The following FAT3 variants were observed in gnomAD, a reference collection of about 807,000 sequenced individuals.
The protein encoded by FAT3 is FAT atypical cadherin 3, also known as protocadherin Fat 3.
A neutral mutation model predicts 310.2 loss-of-function variants in FAT3; 95 were observed. The observed-to-expected ratio is 0.31, with a 90% confidence interval of 0.26 to 0.36. The LOEUF is 0.36. Ranked by LOEUF, FAT3 falls within the 10% of genes least tolerant of loss-of-function variation. The pLI is 1.00. For missense variants in FAT3, 5,408 were observed against 5,715.6 expected (o/e 0.95, Z 1.74); for synonymous variants, 2,314 against 2,192.9 (o/e 1.06, Z -1.54).
chr11:92,722,924 C>A (rs1363760161), intron 4 of FAT3, among the ~76,000 whole-genome samples: 1 of 152,140 alleles, frequency 6.6e-6, no homozygotes, highest in Non-Finnish European at 1.5e-5. Flanking sequence ...CCTACGAAAA[C>A]ATCTTTTCCT....
intron 3 of FAT3, among the ~76,000 whole-genome samples, chr11:92,683,520 C>T (rs1023117239): frequency 2.0e-5 from 3 of 152,148 alleles, no homozygotes; most frequent in African/African-American, 7.2e-5. Flanking sequence ...CCTTTTCTTG[C>T]ACCCCCAGCT....
intron 3 of FAT3, among the ~76,000 whole-genome samples, chr11:92,649,547 C>T (rs1206356228): frequency 1.3e-5 from 2 of 152,120 alleles, no homozygotes; most frequent in African/African-American, 4.8e-5. Flanking sequence ...GGTCCCTGCT[C>T]TGGATGTCCA....
chr11:92,610,553 C>T (rs995089543), intron 3 of FAT3, among the ~76,000 whole-genome samples: 2 of 152,068 alleles, frequency 1.3e-5, no homozygotes, highest in East Asian at 1.9e-4. Context: ...TTTTCTCCTT[C>T]GAAGTTACAG....
At chr11:92,278,384 G>A (rs71473476) in intron 1 of FAT3, among the ~76,000 whole-genome samples, 4,594 of 151,964 alleles carry the variant, frequency 0.03, 97 homozygotes, top group Non-Finnish European at 0.043. Flanking sequence ...TTTATGCTTC[G>A]CCATGGTAGT....
At chr11:92,823,028 A>C (rs901006816) in intron 13 of FAT3, among the ~76,000 whole-genome samples, 3 of 151,876 alleles carry the variant, frequency 2.0e-5, no homozygotes, top group African/African-American at 7.3e-5. Flanking sequence ...TCCCTTGACC[A>C]CCCCTCTCCA....
intron 1 of FAT3, among the ~76,000 whole-genome samples, chr11:92,347,046 G>T (rs1385284417): frequency 6.6e-6 from 1 of 152,070 alleles, no homozygotes; most frequent in Admixed American, 6.6e-5. Context: ...AATCCTATTC[G>T]GTAGGCATTA....
chr11:92,391,036 T>G (rs539635380), intron 2 of FAT3, among the ~76,000 whole-genome samples: 111 of 152,314 alleles, frequency 7.3e-4, no homozygotes, highest in Admixed American at 1.4e-3. Flanking sequence ...AATTCTCTAC[T>G]GAGCATTTCT....
At chr11:92,387,681 T>A (rs545680789) in intron 2 of FAT3, among the ~76,000 whole-genome samples, 14 of 152,212 alleles carry the variant, frequency 9.2e-5, no homozygotes, top group African/African-American at 3.4e-4. Flanking sequence ...GGTGAGACCT[T>A]TTATCTAGAT....
intron 2 of FAT3, among the ~76,000 whole-genome samples, chr11:92,409,997 A>G (rs1483062180): frequency 6.6e-6 from 1 of 152,188 alleles, no homozygotes; most frequent in Non-Finnish European, 1.5e-5. Context: ...TAAGAAGTAT[A>G]CATTGTTCAA....
intron 3 of FAT3, among the ~76,000 whole-genome samples, chr11:92,526,260 T>C (rs1262362839): frequency 6.6e-6 from 1 of 152,148 alleles, no homozygotes; most frequent in Non-Finnish European, 1.5e-5. Flanking sequence ...GGCAAAGAGC[T>C]CCTTAGAACA....
At chr11:92,737,587 CAAT>C (rs1246700062) in intron 4 of FAT3, among the ~76,000 whole-genome samples, 1 of 151,680 alleles carries the variant, frequency 6.6e-6, no homozygotes, top group Non-Finnish European at 1.5e-5. Context: ...AAGAAACACA[CAAT>C]AAAGTCATGA....
At chr11:92,629,915 C>G (rs1263815976) in intron 3 of FAT3, among the ~76,000 whole-genome samples, 1 of 152,130 alleles carries the variant, frequency 6.6e-6, no homozygotes, top group African/African-American at 2.4e-5. Flanking sequence ...ATTTGTAGGT[C>G]TCCATTCAGA....
At chr11:92,340,557 C>T (rs753453301) in intron 1 of FAT3, among the ~76,000 whole-genome samples, 3 of 152,148 alleles carry the variant, frequency 2.0e-5, no homozygotes, top group Non-Finnish European at 4.4e-5. Flanking sequence ...ATACCAGGAT[C>T]CCAAAGAGGG....
chr11:92,660,520 A>AAACAGTC (rs1419672419), intron 3 of FAT3, among the ~76,000 whole-genome samples: 4 of 152,192 alleles, frequency 2.6e-5, no homozygotes, highest in African/African-American at 9.7e-5. Flanking sequence ...AGCAATAACC[A>AAACAGTC]AACAGTCATC....
chr11:92,711,531 A>G (rs1318828860), intron 4 of FAT3, among the ~76,000 whole-genome samples: 1 of 152,196 alleles, frequency 6.6e-6, no homozygotes, highest in Admixed American at 6.5e-5. Flanking sequence ...AAGACTCTGG[A>G]CATCATCTAA....
chr11:92,417,002 G>A (rs2134959075), intron 2 of FAT3, among the ~76,000 whole-genome samples: 1 of 152,274 alleles, frequency 6.6e-6, no homozygotes, highest in African/African-American at 2.4e-5. Flanking sequence ...CAGTCAGACA[G>A]GACAAAATCA....
At chr11:92,619,220 C>A (rs1940969053) in intron 3 of FAT3, among the ~76,000 whole-genome samples, 2 of 152,024 alleles carry the variant, frequency 1.3e-5, no homozygotes, top group Admixed American at 6.6e-5. Context: ...CTTTTTTATT[C>A]TTTGCTGGAT....
At chr11:92,414,462 T>C (rs1322913667) in intron 2 of FAT3, among the ~76,000 whole-genome samples, 4 of 152,230 alleles carry the variant, frequency 2.6e-5, no homozygotes, top group Admixed American at 2.6e-4. Context: ...GCTCAGTCAT[T>C]GGTGGCTTTC....
At chr11:92,360,429 A>G (rs1167318019) in intron 2 of FAT3, among the ~76,000 whole-genome samples, 1 of 152,252 alleles carries the variant, frequency 6.6e-6, no homozygotes, top group Non-Finnish European at 1.5e-5. Flanking sequence ...TTAAATCACT[A>G]GTCTGGAAGA....
Sources: gnomAD v4.1 joint callset for allele counts (sites outside exome capture counted in the v4.1 genomes callset) on GRCh38, gnomAD v4.1.1 for gene constraint, MANE v1.5 for transcripts, NCBI Gene and HGNC (gene_info 2026-07-23, HGNC 2026-07-21) for gene names.